Variants in GAB1 observed in about 807,000 individuals in gnomAD.
GAB1 encodes the protein GRB2-associated-binding protein 1.
Under a neutral mutation model 66.5 loss-of-function variants are expected in GAB1, and 19 were observed. That is an observed-to-expected ratio of 0.29 (90% CI 0.20 to 0.42). The LOEUF is 0.42. Among genes scored for constraint, GAB1 ranks in the 10% least tolerant of loss-of-function variants. GAB1 has a pLI of 1.00. For synonymous variants in GAB1, 294 were observed against 301.4 expected, an observed-to-expected ratio of 0.98 and a Z score of 0.25; for missense variants, 732 against 858.5, an observed-to-expected ratio of 0.85 and a Z score of 1.84.
At chr4:143,449,824 C>A (rs1193041506) in intron 6 of GAB1, among the ~76,000 whole-genome samples, 1 of 150,828 alleles carries the variant, frequency 6.6e-6, no homozygotes, top group Non-Finnish European at 1.5e-5. Flanking sequence ...TGAAAATGAT[C>A]CTGTCATTAT....
At chr4:143,344,515 G>C (rs1206968729) in intron 1 of GAB1, among the ~76,000 whole-genome samples, 1 of 152,130 alleles carries the variant, frequency 6.6e-6, no homozygotes, top group Non-Finnish European at 1.5e-5. Flanking sequence ...CCCTCTTGGG[G>C]TATAACACAC....
chr4:143,343,908 G>T (rs1409101437), intron 1 of GAB1, among the ~76,000 whole-genome samples: 1 of 152,200 alleles, frequency 6.6e-6, no homozygotes, highest in African/African-American at 2.4e-5. Context: ...TCTAGTTTGA[G>T]AAGTTTTTGT....
chr4:143,447,207 A>G (rs1734605465), intron 6 of GAB1, among the ~76,000 whole-genome samples: 1 of 152,020 alleles, frequency 6.6e-6, no homozygotes, highest in Admixed American at 6.6e-5. Flanking sequence ...GCCTTGTAGT[A>G]TAGTTAGAAG....
At position 143,373,887 on chromosome 4, in the gene GAB1, T is replaced by TATATATATATATATATA. The variant is rs1560726049; in HGVS notation, c.72+36627_72+36628insATATATATATATATATA. Among the ~76,000 whole-genome samples the TATATATATATATATATA allele has an allele frequency of 2.2e-4, 22 of 98,258 alleles. 1 individual carries two copies. The highest frequency in any genetic ancestry group is 3.1e-4 in the Non-Finnish European group (15 of 48,950). 64.5% of individuals were successfully genotyped at this position (98,258 alleles called of 152,430 possible). A position where few individuals can be genotyped will look rare whatever the true frequency, so the allele number is the denominator to read the frequency against. ...TAAATAAATATATATATATATATATTTTTACCTTTCTAACATTGCAGGGAG... is the reference window on the plus strand; with the variant it reads ...TAAATAAATATATATATATATATATTATATATATATATATATATTTACCTTTCTAACATTGCAGGGAG... On this transcript the variant is annotated intron_variant, in intron 1 of 9. Transcript: ENST00000262994.
intron 1 of GAB1, among the ~76,000 whole-genome samples, chr4:143,340,061 C>T (rs1297543170): frequency 6.6e-6 from 1 of 152,006 alleles, no homozygotes; most frequent in Non-Finnish European, 1.5e-5. Flanking sequence ...TTGTATTTTA[C>T]CTGTCAGGTT....
chr4:143,391,112 G>C (rs2149686587), intron 1 of GAB1, among the ~76,000 whole-genome samples: 1 of 152,256 alleles, frequency 6.6e-6, no homozygotes, highest in South Asian at 2.1e-4. Flanking sequence ...GAACAGATTT[G>C]GGTGAGCAGG....
At chr4:143,393,247 A>C (rs1731273541) in intron 1 of GAB1, among the ~76,000 whole-genome samples, 1 of 151,830 alleles carries the variant, frequency 6.6e-6, no homozygotes, top group Non-Finnish European at 1.5e-5. Flanking sequence ...AAAAAAAGAA[A>C]AAAAAAGAAT....
intron 6 of GAB1, among the ~76,000 whole-genome samples, chr4:143,458,104 T>A (rs1269728908): frequency 6.6e-6 from 1 of 152,144 alleles, no homozygotes; most frequent in African/African-American, 2.4e-5. Flanking sequence ...GTATATGTGT[T>A]CTGTTCTGAG....
chr4:143,451,428 G>A (rs899120136), intron 6 of GAB1, among the ~76,000 whole-genome samples: 3 of 152,182 alleles, frequency 2.0e-5, no homozygotes, highest in East Asian at 1.9e-4. Context: ...ATGATAATGA[G>A]TTTGGACTTT....
intron 6 of GAB1, among the ~76,000 whole-genome samples, chr4:143,457,434 A>G (rs1735250979): frequency 6.6e-6 from 1 of 152,146 alleles, no homozygotes; most frequent in Non-Finnish European, 1.5e-5. Context: ...AAATCCTGCC[A>G]TCTTTTATAC....
In GAB1 at chr4:143,377,602, A is replaced by G. The variant is rs373086630; in HGVS notation, c.73-37875A>G. 2.6e-5 allele frequency among the ~76,000 whole-genome samples: 4 copies of G among 152,310 alleles called. No individual in the cohort carries two copies. In the East Asian group the frequency reaches 5.8e-4, roughly 22 times the overall value. On this transcript the variant is annotated intron_variant, in intron 1 of 9. Coordinates refer to ENST00000262994, the MANE Select transcript of GAB1 (RefSeq NM_002039.4). ...GATCATTATGATATTATGCTAATTT[A>G]TCTAAAAAATGGATTCTAAGTTGAA...
chr4:143,353,794 C>A (rs1354473021), intron 1 of GAB1, among the ~76,000 whole-genome samples: 1 of 151,980 alleles, frequency 6.6e-6, no homozygotes, highest in African/African-American at 2.4e-5. Context: ...TTGACTTTTC[C>A]ACATACATGC....
chr4:143,420,534 A>G (rs966656965), intron 2 of GAB1, among the ~76,000 whole-genome samples: 6 of 152,130 alleles, frequency 3.9e-5, no homozygotes, highest in Non-Finnish European at 7.4e-5. Flanking sequence ...TGTGGTTCCT[A>G]TGAATGCTTT....
intron 1 of GAB1, among the ~76,000 whole-genome samples, chr4:143,378,984 A>T (rs1157064739): frequency 3.3e-5 from 5 of 152,136 alleles, no homozygotes; most frequent in Non-Finnish European, 7.4e-5. Context: ...TAGGCCCCGA[A>T]GCCAGGAACT....
chr4:143,404,964 G>A (rs1362225415), intron 1 of GAB1, among the ~76,000 whole-genome samples: 2 of 152,136 alleles, frequency 1.3e-5, no homozygotes, highest in Non-Finnish European at 2.9e-5. Context: ...CTCCAAAACT[G>A]CAATTAGAAT....
At chr4:143,348,427 C>T (rs1291541434) in intron 1 of GAB1, among the ~76,000 whole-genome samples, 1 of 152,238 alleles carries the variant, frequency 6.6e-6, no homozygotes, top group Non-Finnish European at 1.5e-5. Context: ...GTGGCTCAGC[C>T]AGAAGGTTTT....
intron 1 of GAB1, among the ~76,000 whole-genome samples, chr4:143,358,033 A>G (rs1729517026): frequency 1.3e-5 from 2 of 152,184 alleles, no homozygotes; most frequent in Admixed American, 1.3e-4. Flanking sequence ...AACCACTTTT[A>G]AAAACTAAGA....
At chr4:143,376,292 G>T (rs1365878241) in intron 1 of GAB1, among the ~76,000 whole-genome samples, 1 of 152,108 alleles carries the variant, frequency 6.6e-6, no homozygotes, top group Non-Finnish European at 1.5e-5. Flanking sequence ...TCTACTTTCA[G>T]GTTACTCAAA....
At chr4:143,464,907 A>T (rs564736777) in intron 8 of GAB1, among the ~76,000 whole-genome samples, 1 of 152,358 alleles carries the variant, frequency 6.6e-6, no homozygotes. Context: ...AAAAAGAATC[A>T]ACAGAACCAC....
Sources: gnomAD v4.1 joint callset for allele counts (sites outside exome capture counted in the v4.1 genomes callset) on GRCh38, gnomAD v4.1.1 for gene constraint, MANE v1.5 for transcripts, NCBI Gene and HGNC (gene_info 2026-07-23, HGNC 2026-07-21) for gene names.